TRPC3: variants seen among roughly 807,000 people sequenced by gnomAD.
TRPC3 encodes the protein transient receptor potential cation channel subfamily C member 3, also known as short transient receptor potential channel 3.
TRPC3 carries 54 observed loss-of-function variants against 90.9 expected under a neutral mutation model. That is an observed-to-expected ratio of 0.59 (90% CI 0.48 to 0.75). The LOEUF is 0.75. Among genes scored for constraint, TRPC3 ranks in the 30% least tolerant of loss-of-function variants. The pLI, the probability that TRPC3 is intolerant of heterozygous loss-of-function variation, is 0.00. For missense variants in TRPC3, 918 were observed against 1,194.5 expected (o/e 0.77, Z 3.41); for synonymous variants, 424 against 450.9 (o/e 0.94, Z 0.75).
At chr4:121,917,319 G>A (rs1283562324) in intron 3 of TRPC3, among the ~76,000 whole-genome samples, 1 of 152,114 alleles carries the variant, frequency 6.6e-6, no homozygotes, top group Non-Finnish European at 1.5e-5. Context: ...CAACTTTCTA[G>A]GATTCTTGTT....
intron 6 of TRPC3, among the ~76,000 whole-genome samples, chr4:121,909,232 A>G (rs530770061): frequency 2.0e-5 from 3 of 152,202 alleles, no homozygotes; most frequent in African/African-American, 7.2e-5. Flanking sequence ...GTGCTTAATT[A>G]CATCTTATAT....
At position 121,910,408 on chromosome 4, in the gene TRPC3, G is replaced by T. The variant is rs201187438; in HGVS notation, c.1559-21C>A. On this transcript the variant is annotated intron_variant, in intron 5 of 11. Coordinates refer to ENST00000379645, the MANE Select transcript of TRPC3 (RefSeq NM_001130698.2). Reference sequence around the variant, plus strand: ...CATTCCTGTCACAACAAATACAGAGGGTGCAGGTCAGATTTTACAGGCCAG... The same window carrying T: ...CATTCCTGTCACAACAAATACAGAGTGTGCAGGTCAGATTTTACAGGCCAG... The T allele has an allele frequency of 8.4e-5, 135 of 1,603,696 alleles. No homozygotes were observed. In the African/African-American group the frequency reaches 1.5e-3, roughly 18 times the overall value.
chr4:121,948,307 C>T (rs565562647), intron 1 of TRPC3, among the ~76,000 whole-genome samples: 1 of 151,556 alleles, frequency 6.6e-6, no homozygotes, highest in South Asian at 2.1e-4. Flanking sequence ...TCTGATCCTG[C>T]TTTCTCTTTA....
In TRPC3 at chr4:121,914,957, A is replaced by G. The variant is rs1410976630; in HGVS notation, c.1177-13T>C. The G allele has an allele frequency of 6.3e-7, 1 of 1,581,760 alleles. No homozygotes were observed. The highest frequency in any genetic ancestry group is 1.1e-5 in the South Asian group (1 of 88,372). ...GATGAGCCACAAACTATTGGGAGAGAGAGAGTTTGAGAAGGGGAGAGAAAG... is the reference window on the plus strand; with the variant it reads ...GATGAGCCACAAACTATTGGGAGAGGGAGAGTTTGAGAAGGGGAGAGAAAG... On this transcript the variant is annotated splice_polypyrimidine_tract_variant and intron_variant, in intron 3 of 11. Coordinates refer to ENST00000379645, the MANE Select transcript of TRPC3 (RefSeq NM_001130698.2).
chr4:121,933,153 C>T, intron 1 of TRPC3, 111 bp from the exon 2 acceptor site: 1 of 1,417,262 alleles, frequency 7.1e-7, no homozygotes, highest in Non-Finnish European at 9.2e-7. Flanking sequence ...CCTCTGGCTG[C>T]AGGGGTCGGC....
intron 10 of TRPC3, among the ~76,000 whole-genome samples, chr4:121,886,682 C>T (rs1028685771): frequency 6.6e-6 from 1 of 152,076 alleles, no homozygotes; most frequent in African/African-American, 2.4e-5. Flanking sequence ...TGACTTTTAC[C>T]TGTTACTTTT....
chr4:121,897,453 C>CAAAAAAAAAAAAAAAAAAAAAAAA (rs70950860), intron 10 of TRPC3, among the ~76,000 whole-genome samples: 1 of 43,434 alleles, frequency 2.3e-5, no homozygotes, highest in Non-Finnish European at 4.0e-5. Flanking sequence ...ATCTCAACAG[C>CAAAAAAAAAAAAAAAAAAAAAAAA]AAAAAAAAAA....
In TRPC3 at chr4:121,925,104, G is replaced by A. The variant is rs1456824913; in HGVS notation, c.1090C>T (p.Leu364=). The part of the protein sequence containing the change: ...EEVEAILNGD[L]ESAEPLEVHR... ...ACCTCCAGAGGCTCTGCTGATTCCA[G>A]ATCTCCATTCAGAATGGCTTCTACC... The change falls in exon 3 of 12, where the codon CTG becomes TTG. Residue 364 remains leucine (L), a synonymous_variant. Coordinates refer to ENST00000379645, the MANE Select transcript of TRPC3 (RefSeq NM_001130698.2). The A allele has an allele frequency of 5.6e-6, 9 of 1,613,918 alleles. No individual in the cohort carries two copies. In the East Asian group the frequency reaches 8.9e-5, roughly 16 times the overall value.
rs1027034681 is a variant in TRPC3, at chr4:121,910,059, C to G, written c.1792+95G>C. 15 of 910,082 alleles carry G rather than the reference C, an allele frequency of 1.6e-5. 1 individual carries two copies. In the African/African-American group the frequency reaches 2.1e-4, roughly 13 times the overall value. 56.4% of individuals were successfully genotyped at this position (910,082 alleles called of 1,614,324 possible). ...CTGTCCATAAATATTCAATACACCT[C>G]TCATACTAAACATACTCCAATTGGC... is the stretch of plus-strand genomic sequence containing the variant. On this transcript the variant is annotated intron_variant, in intron 6 of 11. Transcript: ENST00000379645.
chr4:121,903,544 C>A (rs1728775149), intron 8 of TRPC3, among the ~76,000 whole-genome samples: 1 of 152,146 alleles, frequency 6.6e-6, no homozygotes, highest in Admixed American at 6.6e-5. Context: ...TCTGTGTTTA[C>A]CATATGTCCC....
chr4:121,924,064 T>TA (rs140181711), intron 3 of TRPC3, among the ~76,000 whole-genome samples: 5,990 of 152,144 alleles, frequency 0.039, 392 homozygotes, highest in African/African-American at 0.14. Context: ...ATAATCAGAG[T>TA]AAAAAAATCA....
intron 1 of TRPC3, among the ~76,000 whole-genome samples, chr4:121,949,216 T>A (rs1730599126): frequency 6.6e-6 from 1 of 152,238 alleles, no homozygotes; most frequent in South Asian, 2.1e-4. Context: ...AGTCTTGGTT[T>A]GAATCAGTGG....
At chr4:121,947,038 T>C (rs4833780) in intron 1 of TRPC3, among the ~76,000 whole-genome samples, 112,122 of 151,598 alleles carry the variant, frequency 0.74, 41,603 homozygotes, top group East Asian at 0.82. Context: ...TTACAAGTAG[T>C]CAGTTATGGT....
intron 10 of TRPC3, among the ~76,000 whole-genome samples, chr4:121,895,706 A>G (rs1429177482): frequency 6.6e-6 from 1 of 152,070 alleles, no homozygotes; most frequent in African/African-American, 2.4e-5. Flanking sequence ...AACATCTCCC[A>G]AAAAAATAAA....
chr4:121,944,823 T>C (rs758654356), intron 1 of TRPC3, among the ~76,000 whole-genome samples: 10 of 152,210 alleles, frequency 6.6e-5, no homozygotes, highest in Non-Finnish European at 1.3e-4. Context: ...AATAGTTTCC[T>C]GTATTGCTCC....
intron 10 of TRPC3, among the ~76,000 whole-genome samples, chr4:121,892,783 T>G (rs1728374379): frequency 6.6e-6 from 1 of 152,014 alleles, no homozygotes. Flanking sequence ...GTGATCAAAA[T>G]AAAGATACCA....
At chr4:121,911,834 T>G (rs199525521) in intron 5 of TRPC3, 43 bp downstream of exon 5, 1 of 1,532,756 alleles carries the variant, frequency 6.5e-7, no homozygotes, top group African/African-American at 1.4e-5. Context: ...TTTCTATAAT[T>G]ACCTTTTGGT....
intron 9 of TRPC3, among the ~76,000 whole-genome samples, chr4:121,901,750 C>T (rs1240799723): frequency 1.3e-5 from 2 of 152,126 alleles, no homozygotes; most frequent in Admixed American, 1.3e-4. Flanking sequence ...TATCCATGTT[C>T]CTTGTTAATA....
intron 5 of TRPC3, among the ~76,000 whole-genome samples, chr4:121,910,671 G>A (rs531743013): frequency 1.3e-5 from 2 of 152,156 alleles, no homozygotes; most frequent in Non-Finnish European, 2.9e-5. Context: ...GGTGGTGGAG[G>A]GGGGTGAGGA....
Sources: gnomAD v4.1 joint callset for allele counts (sites outside exome capture counted in the v4.1 genomes callset) on GRCh38, gnomAD v4.1.1 for gene constraint, MANE v1.5 for transcripts, NCBI Gene and HGNC (gene_info 2026-07-23, HGNC 2026-07-21) for gene names.